Variants in FAT2 observed in about 807,000 individuals in gnomAD.
FAT2 encodes protocadherin Fat 2.
FAT2 carries 150 observed loss-of-function variants against 295.3 expected under a neutral mutation model. That is an observed-to-expected ratio of 0.51 (90% CI 0.44 to 0.58). The LOEUF (loss-of-function observed/expected upper bound fraction) is 0.58, where lower values mean the gene tolerates loss of function less well. FAT2 is among the 20% of genes least tolerant of loss of function. The pLI, the probability that FAT2 is intolerant of heterozygous loss-of-function variation, is 0.00. For missense variants in FAT2, 4,868 were observed against 5,442.7 expected (o/e 0.89, Z 3.32); for synonymous variants, 2,026 against 2,150.3 (o/e 0.94, Z 1.60).
Position 151,512,674 on chromosome 5 carries a change from C to A in FAT2, c.11464-68G>T, listed in dbSNP as rs749627752. 1.6e-5 allele frequency: 22 copies of A among 1,374,372 alleles called. No individual in the cohort carries two copies. Among genetic ancestry groups the A allele is most frequent in the Non-Finnish European group, 2.1e-5 (21 of 1,010,974 alleles). The allele number at this position is 1,374,372 out of a possible 1,614,324, so 85.1% of individuals were successfully genotyped here. ...CCTTGTAAACCTGCTAAGAGGCTGC[C>A]AGTTCAAAGAATGTTGTTTGTATTT... On this transcript the variant is annotated intron_variant, in intron 20 of 23. Coordinates refer to ENST00000261800, the MANE Select transcript of FAT2 (RefSeq NM_001447.3). The surrounding 1 kb of genome is among the most constrained non-coding windows in gnomAD (Gnocchi z 4.1).
intron 6 of FAT2, among the ~76,000 whole-genome samples, chr5:151,552,158 C>G (rs776983913): frequency 6.6e-6 from 1 of 152,044 alleles, no homozygotes; most frequent in Non-Finnish European, 1.5e-5. Flanking sequence ...GGCTCTCACT[C>G]TGTCACCCAG....
chr5:151,559,054 G>A (rs374556882), intron 3 of FAT2, among the ~76,000 whole-genome samples: 13 of 152,350 alleles, frequency 8.5e-5, no homozygotes, highest in African/African-American at 1.9e-4. Flanking sequence ...ATTAAGTGTA[G>A]AAAAAGAAGC....
intron 1 of FAT2, among the ~76,000 whole-genome samples, chr5:151,570,611 GCAGGGTTTGGCAGGGC>G (rs1354101708): frequency 6.6e-6 from 1 of 152,274 alleles, no homozygotes; most frequent in East Asian, 1.9e-4. Context: ...GAGGAGCGGG[GCAGGGTTTGGCAGGGC>G]CATGTGTAGG....
In FAT2 at chr5:151,519,857, T is replaced by C. The variant is rs183466795; in HGVS notation, c.11317+1419A>G. Among the ~76,000 whole-genome samples, 222 of 152,302 alleles carry C rather than the reference T, an allele frequency of 1.5e-3. 1 individual carries two copies. The highest frequency in any genetic ancestry group is 5.1e-3 in the African/African-American group (211 of 41,556). On this transcript the variant is annotated intron_variant, in intron 19 of 23. Transcript: ENST00000261800. Reference sequence around the variant, plus strand: ...TTGCACCTGCTGCTTCAGAATTAAATGCCAATTCTAGGACTCACTCAGAAC... The same window carrying C: ...TTGCACCTGCTGCTTCAGAATTAAACGCCAATTCTAGGACTCACTCAGAAC...
intron 12 of FAT2, 32 bp downstream of exon 12, chr5:151,537,761 C>T (rs1755609357): frequency 6.3e-7 from 1 of 1,590,448 alleles, no homozygotes; most frequent in African/African-American, 1.4e-5. Context: ...TAAAGAAGTT[C>T]TTGTTTTGAT....
chr5:151,565,832 A>T lies in FAT2; in HGVS notation c.3100T>A (p.Ser1034Thr). Residue 1034 changes from serine to threonine, a missense_variant, in exon 2 of 24, where the codon TCC becomes ACC. Physicochemically the swap from Ser to Thr is moderately conservative, Grantham distance 58 (BLOSUM62 1). Transcript: ENST00000261800. ...NENLHPPHFASFVHQGQVQEN... is the reference protein window; with the variant it reads ...NENLHPPHFATFVHQGQVQEN... ...TGCACCTGGCCCTGGTGCACGAAGG[A>T]GGCAAAGTGGGGAGGGTGGAGATTC... 1 of 1,614,084 alleles carries T rather than the reference A, an allele frequency of 6.2e-7. No individual in the cohort carries two copies. The highest frequency in any genetic ancestry group is 8.5e-7 in the Non-Finnish European group (1 of 1,179,994).
chr5:151,579,779 C>G lies in FAT2; in HGVS notation c.-20-10828G>C, dbSNP rs1444709214. Among the ~76,000 whole-genome samples, 3 of 151,822 alleles carry G rather than the reference C, an allele frequency of 2.0e-5. No homozygotes were observed. The East Asian group carries it at 5.8e-4, about 29-fold the overall frequency. ...AGAAAGATACTAACTGAACCCACCT[C>G]AGATAGTGTTCTGAAGGTAGAACTA... On this transcript the variant is annotated intron_variant, in intron 1 of 23. Coordinates refer to ENST00000261800, the MANE Select transcript of FAT2 (RefSeq NM_001447.3).
chr5:151,574,765 A>C (rs1202658706), intron 1 of FAT2, among the ~76,000 whole-genome samples: 1 of 152,248 alleles, frequency 6.6e-6, no homozygotes, highest in African/African-American at 2.4e-5. Context: ...TACTTCCAAG[A>C]AACTTGGATG....
chr5:151,522,041 G>C lies in FAT2; in HGVS notation c.10552C>G (p.Arg3518Gly), dbSNP rs746643761. ...IPPLSSLTSV[R>G]VHVTEQSHYA... ...TGGCTCTGCTCTGTGACATGGACACGGACAGACGTCAAAGACGAGAGGGGA... is the reference window on the plus strand; with the variant it reads ...TGGCTCTGCTCTGTGACATGGACACCGACAGACGTCAAAGACGAGAGGGGA... The change falls in exon 19 of 24, where the codon CGT becomes GGT. Residue 3518 changes from arginine (R) to glycine (G), a missense_variant. This residue lies in a region of FAT2 where 1,046 missense variants were observed against 1,210.1 expected (regional missense o/e 0.86). Transcript: ENST00000261800. The C allele has an allele frequency of 6.2e-7, 1 of 1,607,766 alleles. No homozygotes were observed. The highest frequency in any genetic ancestry group is 8.5e-7 in the Non-Finnish European group (1 of 1,174,802).
chr5:151,559,756 G>A (rs963556212), intron 3 of FAT2, among the ~76,000 whole-genome samples: 3 of 151,868 alleles, frequency 2.0e-5, no homozygotes, highest in African/African-American at 7.3e-5. Context: ...AAGGTCCTGT[G>A]CCTCTGGAAT....
chr5:151,515,144 T>C (rs1386842080), intron 20 of FAT2, among the ~76,000 whole-genome samples: 5 of 152,174 alleles, frequency 3.3e-5, no homozygotes, highest in African/African-American at 1.2e-4. Flanking sequence ...CCCATCTTAC[T>C]GGCCTCTCAG....
Position 151,540,547 on chromosome 5 carries a change from A to C in FAT2, c.9039+20T>G. On this transcript the variant is annotated intron_variant, in intron 11 of 23. Coordinates refer to ENST00000261800, the MANE Select transcript of FAT2 (RefSeq NM_001447.3). Reference sequence around the variant, plus strand: ...CTTCCTTGCCTTCACTACCCACTCCACCCCTCGCCAGGCTCTCACCTGTGA... The same window carrying C: ...CTTCCTTGCCTTCACTACCCACTCCCCCCCTCGCCAGGCTCTCACCTGTGA... 1 of 1,590,278 alleles carries C rather than the reference A, an allele frequency of 6.3e-7. No homozygotes were observed. The highest frequency in any genetic ancestry group is 8.6e-7 in the Non-Finnish European group (1 of 1,165,700).
intron 18 of FAT2, among the ~76,000 whole-genome samples, chr5:151,522,895 A>G (rs1245060996): frequency 6.6e-6 from 1 of 152,188 alleles, no homozygotes; most frequent in Non-Finnish European, 1.5e-5. Flanking sequence ...TTAATGTCAG[A>G]ACTGTGAAAA....
At chr5:151,582,995 A>G (rs1437124938) in intron 1 of FAT2, among the ~76,000 whole-genome samples, 1 of 152,142 alleles carries the variant, frequency 6.6e-6, no homozygotes, top group Non-Finnish European at 1.5e-5. Flanking sequence ...CTGAGCCTAC[A>G]CATATCACTG....
rs1217863456 is a variant in FAT2, at chr5:151,568,129, T to C, written c.803A>G (p.Asp268Gly). 10 of 1,614,080 alleles carry C rather than the reference T, an allele frequency of 6.2e-6. No homozygotes were observed. Among genetic ancestry groups the C allele is most frequent in the Non-Finnish European group, 8.5e-6 (10 of 1,180,034 alleles). ...SVVVTPPDSN[D>G]GTTYATVLVD... ...CAGTACAGTGGCATAGGTGGTACCA[T>C]CATTGCTGTCTGGTGGAGTCACCAC... Residue 268 changes from aspartate (D) to glycine (G), a missense_variant, in exon 2 of 24, where the codon GAT becomes GGT. By Grantham distance (94) the Asp-to-Gly change is moderately conservative. Around this residue, in one of 5 missense-constraint regions of FAT2, gnomAD observed 3,297 missense variants for 3,669.4 expected, o/e 0.90. Coordinates refer to ENST00000261800, the MANE Select transcript of FAT2 (RefSeq NM_001447.3).
intron 20 of FAT2, among the ~76,000 whole-genome samples, chr5:151,515,743 A>G (rs1449013582): frequency 6.6e-6 from 1 of 152,122 alleles, no homozygotes; most frequent in Non-Finnish European, 1.5e-5. Flanking sequence ...CTAAACCACC[A>G]TCCTCTCTTA....
rs141148216 is a variant in FAT2 at position 151,567,845 on chromosome 5, C to A, written c.1087G>T (p.Glu363Ter). 6.2e-7 allele frequency: 1 copy of A among 1,613,992 alleles called. No individual in the cohort carries two copies. The highest frequency in any genetic ancestry group is 1.3e-5 in the African/African-American group (1 of 74,880). Residue 363 changes from glutamate (E) to a stop codon, truncating the protein, a stop_gained, in exon 2 of 24, where the codon GAG (glutamate) becomes TAG (stop). Transcript: ENST00000261800. LOFTEE classifies it high-confidence loss of function. ...PPSKLSSLKF[E>*]KAVYRVQLSE... ...AGCTGCACTCTGTAAACAGCCTTCT[C>A]GAATTTGAGGGAAGACAGTTTGGAA...
chr5:151,592,868 C>G (rs886124880), upstream of FAT2, among the ~76,000 whole-genome samples: 1 of 152,206 alleles, frequency 6.6e-6, no homozygotes. Context: ...GTTGCTTATA[C>G]AGGAGCAATG....
At chr5:151,520,330 G>A (rs576339983) in intron 19 of FAT2, among the ~76,000 whole-genome samples, 3 of 152,366 alleles carry the variant, frequency 2.0e-5, no homozygotes, top group African/African-American at 7.2e-5. Flanking sequence ...GCTTAGTGAA[G>A]AGTTCAGGCT....
Sources: gnomAD v4.1 joint callset for allele counts (sites outside exome capture counted in the v4.1 genomes callset) on GRCh38, gnomAD v4.1.1 for gene constraint, gnomAD v4.1.1 regional missense constraint, Gnocchi (gnomAD v3.1) non-coding constraint, MANE v1.5 for transcripts, NCBI Gene and HGNC (gene_info 2026-07-23, HGNC 2026-07-21) for gene names.